USPL1: variants seen among roughly 807,000 people sequenced by gnomAD.
USPL1 encodes the protein SUMO-specific isopeptidase USPL1.
In USPL1, 27 loss-of-function variants were observed where a neutral mutation model predicts 51.5. The observed-to-expected ratio is 0.52, with a 90% CI of 0.39 to 0.72. The LOEUF (loss-of-function observed/expected upper bound fraction) is 0.72. Ranked by LOEUF, USPL1 falls within the 30% of genes least tolerant of loss-of-function variation. The pLI is 0.00. For missense variants in USPL1, 1,226 were observed against 1,268.0 expected (o/e 0.97, Z 0.50); for synonymous variants, 451 against 459.6 (o/e 0.98, Z 0.24).
At chr13:30,646,803 A>T in intron 6 of USPL1, 129 bp from the exon 7 acceptor site, 1 of 1,005,240 alleles carries the variant, frequency 9.9e-7, no homozygotes, top group Non-Finnish European at 1.4e-6. Context: ...GAACATTGCC[A>T]TATTAACATG....
In USPL1 at chr13:30,653,274, T is replaced by G. The variant is rs1233247277; in HGVS notation, c.1365T>G (p.Asn455Lys). The G allele has an allele frequency of 6.2e-7, 1 of 1,606,794 alleles. No individual in the cohort carries two copies. The highest frequency in any genetic ancestry group is 8.5e-7 in the Non-Finnish European group (1 of 1,174,970). The change falls in exon 8 of 9, where the codon AAT becomes AAG. Residue 455 changes from asparagine (N) to lysine (K), a missense_variant. Coordinates refer to ENST00000255304, the MANE Select transcript of USPL1 (RefSeq NM_005800.5). ...ITSVIQYRANNHFITWILDAD... is the reference protein window; with the variant it reads ...ITSVIQYRANKHFITWILDAD... ...CTGTAATTCAGTATCGAGCAAATAA[T>G]CATTTTATAACATGGATTTTAGATG... is the stretch of plus-strand genomic sequence containing the variant.
At chr13:30,623,455 C>T (rs1950670187) in intron 3 of USPL1, among the ~76,000 whole-genome samples, 1 of 152,086 alleles carries the variant, frequency 6.6e-6, no homozygotes, top group African/African-American at 2.4e-5. Context: ...TGTGGCTGCA[C>T]TGTTGAAAAT....
chr13:30,651,274 A>G (rs1352274047), intron 7 of USPL1, among the ~76,000 whole-genome samples: 3 of 152,194 alleles, frequency 2.0e-5, no homozygotes, highest in East Asian at 3.8e-4. Context: ...TCAAATTTCT[A>G]TCCTATCTGA....
At position 30,658,453 on chromosome 13, in the gene USPL1, G is replaced by T. The variant is rs200191581; in HGVS notation, c.2376G>T (p.Gly792=). The change falls in exon 9 of 9, where the codon GGG becomes GGT. Residue 792 remains glycine, a synonymous_variant. Coordinates refer to ENST00000255304, the MANE Select transcript of USPL1 (RefSeq NM_005800.5). ...CTGATTTACAACCTTCAGTTAAAGG[G>T]GTAAATAATTTTGGTGGCTTTAAAA... ...TITDLQPSVK[G]VNNFGGFKTK... 1 of 1,613,684 alleles carries T rather than the reference G, an allele frequency of 6.2e-7. No individual in the cohort carries two copies.
chr13:30,637,986 T>C, intron 5 of USPL1, 129 bp downstream of exon 5: 1 of 781,368 alleles, frequency 1.3e-6, no homozygotes, highest in Non-Finnish European at 2.1e-6. Context: ...ATCTGAGTAG[T>C]TTGACTTAGG....
rs143462681 is a variant in USPL1 at position 30,640,811 on chromosome 13, G to T, written c.983-1817G>T. On this transcript the variant is annotated intron_variant, in intron 5 of 8. Coordinates refer to ENST00000255304, the MANE Select transcript of USPL1 (RefSeq NM_005800.5). Reference sequence around the variant, plus strand: ...CTGATATTTATAGAATATGCTTAGGGTTAGGGTATAACTCGCTTGTATTAT... The same window carrying T: ...CTGATATTTATAGAATATGCTTAGGTTTAGGGTATAACTCGCTTGTATTAT... Among the ~76,000 whole-genome samples, 406 of 152,306 alleles carry T rather than the reference G, an allele frequency of 2.7e-3. 1 individual carries two copies. The highest frequency in any genetic ancestry group is 9.3e-3 in the African/African-American group (388 of 41,550).
rs1950800408 is a variant in USPL1 at position 30,631,220 on chromosome 13, G to A, written c.614G>A (p.Gly205Glu). 1.9e-6 allele frequency: 3 copies of A among 1,614,120 alleles called. No individual in the cohort carries two copies. The highest frequency in any genetic ancestry group is 1.7e-6 in the Non-Finnish European group (2 of 1,180,030). The change falls in exon 4 of 9, where the codon GGA becomes GAA. Residue 205 changes from glycine to glutamate, a missense_variant. Transcript: ENST00000255304. ...GTGRPSPQNEGCTSKLEMPLE... is the reference protein window; with the variant it reads ...GTGRPSPQNEECTSKLEMPLE... ...GGCAGACCTTCCCCTCAAAATGAAG[G>A]ATGTACATCTAAACTGGAAATGCCA... is the stretch of plus-strand genomic sequence containing the variant.
rs142406889 is a variant in USPL1, at chr13:30,658,350, G to A, written c.2273G>A (p.Ser758Asn). Residue 758 changes from serine to asparagine, a missense_variant, in exon 9 of 9, where the codon AGT (serine) becomes AAT (asparagine). Ser to Asn is a conservative substitution (Grantham distance 46). Transcript: ENST00000255304. The stretch of plus-strand genomic sequence containing the variant: ...AATCAGAAGAAGCCATTTGTGGGAA[G>A]TTGGGTTAAAGGCTTAATAAGCAGG... The part of the protein sequence containing the change: ...KENQKKPFVG[S>N]WVKGLISRGA... The A allele has an allele frequency of 1.9e-6, 3 of 1,613,898 alleles. No individual in the cohort carries two copies. The highest frequency in any genetic ancestry group is 1.7e-6 in the Non-Finnish European group (2 of 1,180,030).
rs1203453323 is a variant in USPL1, at chr13:30,621,060, T to A, written c.-68-13T>A. ...AATTTTTATTTAATTGTCTATTGAC[T>A]TTTTTTTTCCAGGGTTCATTGAAAA... On this transcript the variant is annotated splice_polypyrimidine_tract_variant and intron_variant, in intron 1 of 8. Transcript: ENST00000255304. 1.8e-6 allele frequency: 2 copies of A among 1,118,150 alleles called. No homozygotes were observed. Among genetic ancestry groups the A allele is most frequent in the Non-Finnish European group, 2.6e-6 (2 of 771,166 alleles). 69.3% of individuals were successfully genotyped at this position (1,118,150 alleles called of 1,614,324 possible).
chr13:30,620,094 C>T (rs1344135699), intron 1 of USPL1, among the ~76,000 whole-genome samples: 2 of 152,122 alleles, frequency 1.3e-5, no homozygotes, highest in Admixed American at 6.5e-5. Flanking sequence ...CTTTAAAAAG[C>T]AGTTTTATTT....
Position 30,658,170 on chromosome 13 carries a change from A to G in USPL1, c.2093A>G (p.Lys698Arg), listed in dbSNP as rs769592518. ...GGAGTGAAGTCAGTAGAAATTGAGAAGGACGCTCAGTTAAAACAATTCCTT... is the reference window on the plus strand; with the variant it reads ...GGAGTGAAGTCAGTAGAAATTGAGAGGGACGCTCAGTTAAAACAATTCCTT... The part of the protein sequence containing the change: ...IQGVKSVEIE[K>R]DAQLKQFLTP... Residue 698 changes from lysine to arginine, a missense_variant, in exon 9 of 9, where the codon AAG (lysine) becomes AGG (arginine). Physicochemically the swap from Lys to Arg is conservative, Grantham distance 26. Coordinates refer to ENST00000255304, the MANE Select transcript of USPL1 (RefSeq NM_005800.5). 2 of 1,613,264 alleles carry G rather than the reference A, an allele frequency of 1.2e-6. No individual in the cohort carries two copies. Among genetic ancestry groups the G allele is most frequent in the Non-Finnish European group, 1.7e-6 (2 of 1,179,858 alleles).
chr13:30,645,337 A>C (rs1951003910), intron 6 of USPL1, among the ~76,000 whole-genome samples: 1 of 152,210 alleles, frequency 6.6e-6, no homozygotes, highest in Non-Finnish European at 1.5e-5. Context: ...AGGTAGAGAG[A>C]TAATACACGA....
Position 30,659,466 on chromosome 13 carries a change from C to CCTTGCATTTTGTT in USPL1, c.*111_*112insTTGCATTTTGTTC. The CCTTGCATTTTGTT allele has an allele frequency of 9.8e-7, 1 of 1,015,384 alleles. No individual in the cohort carries two copies. The highest frequency in any genetic ancestry group is 1.4e-6 in the Non-Finnish European group (1 of 728,872). 62.9% of individuals were successfully genotyped at this position (1,015,384 alleles called of 1,614,324 possible). ...ACTTGTGTAATTACTTGTGTAATAA[C>CCTTGCATTTTGTT]CATGAACAAAATGCAAGGTTTAACC... On this transcript the variant is annotated 3_prime_UTR_variant, in exon 9 of 9. Transcript: ENST00000255304.
At chr13:30,634,740 C>T (rs1021937837) in intron 4 of USPL1, among the ~76,000 whole-genome samples, 4 of 152,118 alleles carry the variant, frequency 2.6e-5, no homozygotes, top group Non-Finnish European at 5.9e-5. Flanking sequence ...TATAGACTTT[C>T]GTGTCCAAAT....
intron 3 of USPL1, among the ~76,000 whole-genome samples, chr13:30,622,960 A>G (rs911597983): frequency 4.6e-5 from 7 of 152,162 alleles, no homozygotes; most frequent in African/African-American, 1.7e-4. Context: ...GGATACAATA[A>G]TAAAACAAAA....
rs899923748 is a variant in USPL1 at position 30,635,952 on chromosome 13, GA to G, written c.869-1786del. ...TATATAATTCCATTTTCATTATGTA[GA>G]AAAAATACCTCAGTGTTTTCTAACC... On this transcript the variant is annotated intron_variant, in intron 4 of 8. Coordinates refer to ENST00000255304, the MANE Select transcript of USPL1 (RefSeq NM_005800.5). 4.1e-4 allele frequency among the ~76,000 whole-genome samples: 63 copies of G among 152,060 alleles called. 1 individual carries two copies. The highest frequency in any genetic ancestry group is 1.2e-4 in the Non-Finnish European group (8 of 68,004).
Position 30,658,873 on chromosome 13 carries a change from T to G in USPL1, c.2796T>G (p.Cys932Trp). The G allele has an allele frequency of 6.2e-7, 1 of 1,614,108 alleles. No individual in the cohort carries two copies. Among genetic ancestry groups the G allele is most frequent in the Non-Finnish European group, 8.5e-7 (1 of 1,180,036 alleles). ...QVPQDGSPND[C>W]ESIEDLLNEL... is the part of the protein sequence containing the mutation. Reference sequence around the variant, plus strand: ...CCCAGGATGGGTCTCCAAATGATTGTGAATCAATAGAGGACTTGTTAAATG... The same window carrying G: ...CCCAGGATGGGTCTCCAAATGATTGGGAATCAATAGAGGACTTGTTAAATG... Residue 932 changes from cysteine to tryptophan, a missense_variant, in exon 9 of 9, where the codon TGT (cysteine) becomes TGG (tryptophan). Cys to Trp is a radical substitution (Grantham distance 215). Coordinates refer to ENST00000255304, the MANE Select transcript of USPL1 (RefSeq NM_005800.5).
chr13:30,655,495 C>A (rs1278821921), intron 8 of USPL1, among the ~76,000 whole-genome samples: 1 of 152,068 alleles, frequency 6.6e-6, no homozygotes, highest in Non-Finnish European at 1.5e-5. Context: ...TGGCAAGTAC[C>A]CTTTATCCCT....
At chr13:30,646,656 G>A (rs977930160) in intron 6 of USPL1, among the ~76,000 whole-genome samples, 3 of 152,226 alleles carry the variant, frequency 2.0e-5, no homozygotes, top group African/African-American at 7.2e-5. Flanking sequence ...GTGCTTCACA[G>A]CAAAGACTCT....
Sources: allele counts gnomAD v4.1 joint callset (sites outside exome capture counted in the v4.1 genomes callset), GRCh38; gene constraint gnomAD v4.1.1; transcripts MANE v1.5; gene names NCBI Gene and HGNC (gene_info 2026-07-23, HGNC 2026-07-21).